Variants in PCNT observed in about 807,000 individuals in gnomAD.
The protein encoded by PCNT is pericentrin.
PCNT carries 319 observed loss-of-function variants against 380.4 expected under a neutral mutation model. The ratio of observed to expected loss-of-function variants is 0.84; its 90% confidence interval spans 0.77 to 0.92. The LOEUF is 0.92. Ranked by LOEUF, PCNT falls within the 40% of genes least tolerant of loss-of-function variation. PCNT has a pLI of 0.00. For synonymous variants in PCNT, 1,845 were observed against 1,735.2 expected (o/e 1.06, Z -1.57); for missense variants, 4,400 against 4,255.3 (o/e 1.03, Z -0.95).
rs72175446 is a variant in PCNT, at chr21:46,353,715, G to GGTGTGTGTGTGTGT, written c.1680-248_1680-235dup. ...TTGGTGGCAGGGGCACTCTCCTCCA[G>GGTGTGTGTGTGTGT]GTGTGTGTGTGTGTGTGTGTGTGTG... On this transcript the variant is annotated intron_variant, in intron 10 of 46. Transcript: ENST00000359568. 9.5e-4 allele frequency among the ~76,000 whole-genome samples: 123 copies of GGTGTGTGTGTGTGT among 129,036 alleles called. 1 individual carries two copies. Among genetic ancestry groups the GGTGTGTGTGTGTGT allele is most frequent in the African/African-American group, 3.1e-3 (110 of 35,134 alleles). The allele number at this position is 129,036 out of a possible 152,430, so 84.7% of individuals were successfully genotyped here.
intron 7 of PCNT, 52 bp downstream of exon 7, chr21:46,349,238 G>C (rs144241022): frequency 1.4e-6 from 2 of 1,394,046 alleles, no homozygotes; most frequent in Admixed American, 3.3e-5. Context: ...TTCCTAGGTA[G>C]TACTGGAAGG....
At chr21:46,403,692 C>T (rs528901626) in intron 27 of PCNT, among the ~76,000 whole-genome samples, 27 of 144,508 alleles carry the variant, frequency 1.9e-4, no homozygotes, top group Non-Finnish European at 1.5e-5. Context: ...GTGGTGCCCA[C>T]GCGGCACGTG....
Position 46,428,406 on chromosome 21 carries a change from G to A in PCNT, c.7506G>A (p.Gln2502=), listed in dbSNP as rs746544850. 1 of 1,612,454 alleles carries A rather than the reference G, an allele frequency of 6.2e-7. No individual in the cohort carries two copies. Among genetic ancestry groups the A allele is most frequent in the Non-Finnish European group, 8.5e-7 (1 of 1,179,876 alleles). Residue 2502 remains glutamine (Q), a synonymous_variant, in exon 35 of 47, where the codon CAG becomes CAA. Transcript: ENST00000359568. ...CATTGTGCCCCCAGGGAGACCTGCA[G>A]GAAAAGTCCCTGGAGCATCTTCGCT... is the stretch of plus-strand genomic sequence containing the variant. ...EKIIREQGDL[Q]EKSLEHLRLP...
At chr21:46,381,614 A>G (rs1372844820) in intron 15 of PCNT, 80 bp from the exon 16 acceptor site, 17 of 1,328,008 alleles carry the variant, frequency 1.3e-5, no homozygotes, top group Non-Finnish European at 1.6e-5. Flanking sequence ...ATATCTGCTG[A>G]ATGTGCTGAA....
At chr21:46,444,973 C>A in intron 46 of PCNT, 152 bp downstream of exon 46, 1 of 779,540 alleles carries the variant, frequency 1.3e-6, no homozygotes, top group Non-Finnish European at 2.2e-6. Flanking sequence ...ATAGAGGCTA[C>A]AAGTGAAGAA....
chr21:46,355,397 G>A, intron 11 of PCNT, 55 bp from the exon 12 acceptor site: 1 of 1,569,556 alleles, frequency 6.4e-7, no homozygotes, highest in South Asian at 1.1e-5. Context: ...GGTTATAGCT[G>A]CGAGCGAGGT....
intron 16 of PCNT, among the ~76,000 whole-genome samples, chr21:46,382,804 G>A (rs2085622082): frequency 7.0e-6 from 1 of 142,646 alleles, no homozygotes; most frequent in East Asian, 2.1e-4. Flanking sequence ...CATTCACGGT[G>A]TGCATTCAGT....
Position 46,390,724 on chromosome 21 carries a change from AAT to A in PCNT, c.3896_3897del (p.Asn1299ArgfsTer39), listed in dbSNP as rs768079654. On this transcript the variant is annotated frameshift_variant, in exon 20 of 47. Coordinates refer to ENST00000359568, the MANE Select transcript of PCNT (RefSeq NM_006031.6). LOFTEE classifies it high-confidence loss of function. ...SRFEKEFSFKNEETAQVVRKH... is the reference protein window; with the variant it reads ...SRFEKEFSFKXEETAQVVRKH... The stretch of plus-strand genomic sequence containing the variant: ...TTTTGAAAAAGAATTTAGTTTTAAG[AAT>A]GAGGAGACAGCACAGGTTGTCAGGA... 4 of 1,613,828 alleles carry A rather than the reference AAT, an allele frequency of 2.5e-6. No individual in the cohort carries two copies. The African/African-American group carries it at 5.3e-5, about 22-fold the overall frequency.
At position 46,385,858 on chromosome 21, in the gene PCNT, T is replaced by C. The variant is rs61735805; in HGVS notation, c.3339T>C (p.Ser1113=). 67,821 of 1,614,146 alleles carry C rather than the reference T, an allele frequency of 0.042. 1,665 individuals are homozygous for C. Among genetic ancestry groups the C allele is most frequent in the Non-Finnish European group, 0.048 (56,444 of 1,179,976 alleles). ...QQLKDQVLSL[S]HEIEECRSEL... is the part of the protein sequence containing the mutation. ...TGAAAGACCAGGTTTTATCCTTAAG[T>C]CACGAGATAGAAGAGTGCCGCTCCG... is the stretch of plus-strand genomic sequence containing the variant. Residue 1113 remains serine, a synonymous_variant, in exon 17 of 47, where the codon AGT becomes AGC. Transcript: ENST00000359568.
intron 16 of PCNT, 21 bp from the exon 17 acceptor site, chr21:46,385,811 T>C: frequency 6.2e-7 from 1 of 1,614,038 alleles, no homozygotes; most frequent in Non-Finnish European, 8.5e-7. Flanking sequence ...TAACGAAAGC[T>C]TTAACCATTT....
At chr21:46,386,864 C>T (rs1474891064) in intron 17 of PCNT, among the ~76,000 whole-genome samples, 1 of 152,212 alleles carries the variant, frequency 6.6e-6, no homozygotes, top group Non-Finnish European at 1.5e-5. Context: ...GGTGCGCGTC[C>T]TCCCCGTCCC....
intron 36 of PCNT, 67 bp from the exon 37 acceptor site, chr21:46,430,440 A>G: frequency 6.5e-7 from 1 of 1,531,804 alleles, no homozygotes. Context: ...CCCCTCCTGG[A>G]GCTCCCAGCC....
intron 15 of PCNT, among the ~76,000 whole-genome samples, chr21:46,368,885 A>G (rs1322464222): frequency 3.3e-5 from 5 of 152,252 alleles, no homozygotes; most frequent in Non-Finnish European, 1.5e-5. Context: ...TAAGGTGGAT[A>G]CGTTGATTTC....
intron 6 of PCNT, among the ~76,000 whole-genome samples, 192 bp downstream of exon 6, chr21:46,347,704 G>C (rs1301679396): frequency 6.6e-6 from 1 of 152,174 alleles, no homozygotes; most frequent in African/African-American, 2.4e-5. Flanking sequence ...AACTTGTTTT[G>C]TTGTTTCACA....
At chr21:46,395,753 C>T (rs144190820) in intron 21 of PCNT, among the ~76,000 whole-genome samples, 5,197 of 151,180 alleles carry the variant, frequency 0.034, 125 homozygotes, top group Middle Eastern at 0.073. Flanking sequence ...CACTCCATCT[C>T]AGAAATAATA....
chr21:46,366,142 T>G (rs941396524), intron 14 of PCNT, among the ~76,000 whole-genome samples: 2 of 152,222 alleles, frequency 1.3e-5, no homozygotes, highest in Non-Finnish European at 2.9e-5. Context: ...TTCTCAGGCC[T>G]CGCCCTCCCC....
Position 46,334,785 on chromosome 21 carries a change from CTG to C in PCNT, c.639+19_639+20del. On this transcript the variant is annotated intron_variant, in intron 3 of 46. Coordinates refer to ENST00000359568, the MANE Select transcript of PCNT (RefSeq NM_006031.6). ...TTCACAAAGGTATTCTTTAAGTTCT[CTG>C]TTAAGGTGTATTCTTTGTCAAAAGA... The C allele has an allele frequency of 6.2e-7, 1 of 1,614,234 alleles. No individual in the cohort carries two copies.
intron 16 of PCNT, among the ~76,000 whole-genome samples, chr21:46,383,357 G>A (rs1276734648): frequency 6.8e-6 from 1 of 146,854 alleles, no homozygotes; most frequent in East Asian, 2.1e-4. Flanking sequence ...GCATTCAGTG[G>A]CGGAAGCGCA....
intron 16 of PCNT, among the ~76,000 whole-genome samples, chr21:46,384,125 TATATTCA>T: frequency 7.0e-6 from 1 of 142,810 alleles, no homozygotes; most frequent in Admixed American, 7.1e-5. Flanking sequence ...CACAGTGTTG[TATATTCA>T]GTGATGGAAG....
Sources: gnomAD v4.1 joint callset for allele counts (sites outside exome capture counted in the v4.1 genomes callset) on GRCh38, gnomAD v4.1.1 for gene constraint, MANE v1.5 for transcripts, NCBI Gene and HGNC (gene_info 2026-07-23, HGNC 2026-07-21) for gene names.